Variants in B3GALT1 observed in about 807,000 individuals in gnomAD.
B3GALT1 encodes the protein beta-1,3-galactosyltransferase 1, also known as UDP-Gal:betaGlcNAc beta 1,3-galactosyltransferase, polypeptide 1.
Under a neutral mutation model 23.2 loss-of-function variants are expected in B3GALT1, and 10 were observed. That is an observed-to-expected ratio of 0.43 (90% CI 0.27 to 0.73). The LOEUF is 0.73. Ranked by LOEUF, B3GALT1 falls within the 30% of genes least tolerant of loss-of-function variation. The pLI, the probability that B3GALT1 is intolerant of heterozygous loss-of-function variation, is 0.21. For missense variants in B3GALT1, 299 were observed against 405.4 expected (o/e 0.74, Z 2.25); for synonymous variants, 156 against 141.5 (o/e 1.10, Z -0.73).
chr2:167,505,158 A>G (rs764465850), intron 2 of B3GALT1, among the ~76,000 whole-genome samples: 6 of 152,198 alleles, frequency 3.9e-5, no homozygotes, highest in Admixed American at 1.3e-4. Context: ...AGATTACACA[A>G]TGGGCTGGTT....
intron 2 of B3GALT1, among the ~76,000 whole-genome samples, chr2:167,519,869 T>C (rs1700161833): frequency 6.6e-6 from 1 of 151,916 alleles, no homozygotes; most frequent in African/African-American, 2.4e-5. Flanking sequence ...GTTAAGAGTT[T>C]GAGACCAGCC....
chr2:167,567,075 T>A (rs1465500025), intron 2 of B3GALT1, among the ~76,000 whole-genome samples: 2 of 152,190 alleles, frequency 1.3e-5, no homozygotes. Context: ...AAAGCACTTG[T>A]GAAGAAGTTG....
intron 2 of B3GALT1, among the ~76,000 whole-genome samples, chr2:167,624,026 A>G (rs915296328): frequency 6.6e-6 from 1 of 152,070 alleles, no homozygotes; most frequent in East Asian, 1.9e-4. Context: ...TAGAGGAATC[A>G]TCTGATCTCA....
intron 1 of B3GALT1, among the ~76,000 whole-genome samples, chr2:167,456,010 T>A (rs1265563206): frequency 6.6e-6 from 1 of 152,074 alleles, no homozygotes; most frequent in African/African-American, 2.4e-5. Flanking sequence ...CAGTTGGATA[T>A]AAGAGAAATG....
chr2:167,448,398 A>G (rs1015842338), intron 1 of B3GALT1, among the ~76,000 whole-genome samples: 9 of 151,798 alleles, frequency 5.9e-5, no homozygotes, highest in African/African-American at 1.7e-4. Context: ...TTTGTTGTAC[A>G]TTTGTATATT....
intron 2 of B3GALT1, among the ~76,000 whole-genome samples, chr2:167,589,668 G>A (rs1684641831): frequency 6.6e-6 from 1 of 151,864 alleles, no homozygotes; most frequent in Admixed American, 6.6e-5. Flanking sequence ...CTTTTATGCT[G>A]ACACTAGTAC....
intron 3 of B3GALT1, chr2:167,814,967 A>C (rs1688966077): frequency 6.6e-6 from 1 of 152,162 alleles, no homozygotes; most frequent in South Asian, 2.1e-4. Context: ...GATGTCATTG[A>C]ATGTGAAGTT....
At chr2:167,359,767 C>CTT (rs34142201) in intron 1 of B3GALT1, among the ~76,000 whole-genome samples, 114 of 146,150 alleles carry the variant, frequency 7.8e-4, no homozygotes, top group African/African-American at 2.7e-3. Flanking sequence ...TGCCCTTCAT[C>CTT]TTTTTTTTTT....
At chr2:167,666,765 T>A (rs1318687706) in intron 3 of B3GALT1, among the ~76,000 whole-genome samples, 5 of 152,208 alleles carry the variant, frequency 3.3e-5, no homozygotes, top group South Asian at 2.1e-4. Flanking sequence ...AGAGACTAGG[T>A]TTGCAACCCC....
intron 1 of B3GALT1, among the ~76,000 whole-genome samples, chr2:167,310,792 G>A (rs1460294133): frequency 6.6e-6 from 1 of 152,076 alleles, no homozygotes; most frequent in Non-Finnish European, 1.5e-5. Context: ...GAAGCCTGCT[G>A]GAAGATGAGT....
intron 2 of B3GALT1, among the ~76,000 whole-genome samples, chr2:167,499,048 T>G (rs1399872460): frequency 6.6e-6 from 1 of 152,260 alleles, no homozygotes; most frequent in Non-Finnish European, 1.5e-5. Flanking sequence ...CACTTTTATA[T>G]TTATTTTTGC....
At chr2:167,711,739 C>G (rs753161891) in intron 3 of B3GALT1, among the ~76,000 whole-genome samples, 1 of 152,014 alleles carries the variant, frequency 6.6e-6, no homozygotes, top group Non-Finnish European at 1.5e-5. Flanking sequence ...CCAAGGTGGG[C>G]GAGTAGCTTG....
chr2:167,333,885 G>A (rs945660793), intron 1 of B3GALT1, among the ~76,000 whole-genome samples: 3 of 152,180 alleles, frequency 2.0e-5, no homozygotes, highest in South Asian at 2.1e-4. Context: ...TGTCTTCTCA[G>A]AGTATTGTTT....
intron 3 of B3GALT1, among the ~76,000 whole-genome samples, chr2:167,780,294 T>G (rs1390009884): frequency 6.6e-6 from 1 of 152,212 alleles, no homozygotes; most frequent in Non-Finnish European, 1.5e-5. Context: ...GCTGAGAGAT[T>G]GAACTCTCAT....
chr2:167,400,994 A>ATATG (rs1192578493), intron 1 of B3GALT1, among the ~76,000 whole-genome samples: 4 of 152,090 alleles, frequency 2.6e-5, no homozygotes, highest in Non-Finnish European at 5.9e-5. Context: ...CTCTGCTCAG[A>ATATG]TATGTAATCA....
chr2:167,642,906 T>C (rs1038643142), intron 2 of B3GALT1, among the ~76,000 whole-genome samples: 2 of 152,134 alleles, frequency 1.3e-5, no homozygotes, highest in African/African-American at 2.4e-5. Flanking sequence ...ATGAATCCTA[T>C]TAATGTGTAA....
intron 3 of B3GALT1, among the ~76,000 whole-genome samples, chr2:167,708,799 C>T (rs1687007314): frequency 6.6e-6 from 1 of 152,308 alleles, no homozygotes; most frequent in Non-Finnish European, 1.5e-5. Context: ...CCCAGTTTCT[C>T]ATTTCTCCTT....
At chr2:167,554,079 T>C (rs148554348) in intron 2 of B3GALT1, among the ~76,000 whole-genome samples, 20 of 152,312 alleles carry the variant, frequency 1.3e-4, no homozygotes, top group Middle Eastern at 3.4e-3. Flanking sequence ...GCATGACCGC[T>C]GGTCACTGGC....
chr2:167,742,712 A>G (rs1168422578), intron 3 of B3GALT1, among the ~76,000 whole-genome samples: 1 of 152,120 alleles, frequency 6.6e-6, no homozygotes, highest in Non-Finnish European at 1.5e-5. Flanking sequence ...TCTGTTTTTC[A>G]GATTTTTATT....
Sources: gnomAD v4.1 joint callset for allele counts (sites outside exome capture counted in the v4.1 genomes callset) on GRCh38, gnomAD v4.1.1 for gene constraint, MANE v1.5 for transcripts, NCBI Gene and HGNC (gene_info 2026-07-23, HGNC 2026-07-21) for gene names.